The following AK4 variants were observed in gnomAD, a reference collection of about 807,000 sequenced individuals.
The protein encoded by AK4 is adenylate kinase 4.
Under a neutral mutation model 24.6 loss-of-function variants are expected in AK4, and 13 were observed. The observed-to-expected ratio is 0.53, with a 90% CI of 0.34 to 0.84. The LOEUF (loss-of-function observed/expected upper bound fraction) is 0.84. Among genes scored for constraint, AK4 ranks in the 40% least tolerant of loss-of-function variants. The pLI is 0.01. For missense variants in AK4, 192 were observed against 288.2 expected (o/e 0.67, Z 2.42); for synonymous variants, 88 against 107.0 (o/e 0.82, Z 1.10).
chr1:65,225,389 G>C (rs779363749), intron 4 of AK4, among the ~76,000 whole-genome samples: 1 of 152,194 alleles, frequency 6.6e-6, no homozygotes, highest in African/African-American at 2.4e-5. Flanking sequence ...AAGCTAGACA[G>C]TTGAGTGACA....
chr1:65,180,389 A>T (rs1246719635), intron 1 of AK4, among the ~76,000 whole-genome samples: 1 of 152,150 alleles, frequency 6.6e-6, no homozygotes, highest in Non-Finnish European at 1.5e-5. Context: ...AGTGTCAGAG[A>T]GTGATTTAAA....
In AK4 at chr1:65,171,614, T is replaced by C. The variant is rs1481767391; in HGVS notation, c.146-19096T>C. ...GCCACTGTGCCCAGCCAATAGTTGC[T>C]CTTAAAAGGTCAGGTAAAACGAATG... On this transcript the variant is annotated intron_variant, in intron 1 of 4. Coordinates refer to ENST00000327299, the MANE Select transcript of AK4 (RefSeq NM_013410.4). Among the ~76,000 whole-genome samples, 4 of 152,090 alleles carry C rather than the reference T, an allele frequency of 2.6e-5. No homozygotes were observed. The East Asian group carries it at 7.7e-4, about 29-fold the overall frequency.
chr1:65,189,537 C>A (rs1041152825), intron 1 of AK4, among the ~76,000 whole-genome samples: 3 of 152,094 alleles, frequency 2.0e-5, no homozygotes, highest in Admixed American at 6.6e-5. Context: ...CTCGGCTTCC[C>A]AAAGTGTTGG....
rs191906974 is a variant in AK4, at chr1:65,226,024, A to T, written c.558-39A>T. On this transcript the variant is annotated intron_variant, in intron 4 of 4. Coordinates refer to ENST00000327299, the MANE Select transcript of AK4 (RefSeq NM_013410.4). ...CTTCTGCACTAATACGTGGAAAAGA[A>T]ACCTAAAAAGCCATTGTATGTTGGG... The T allele has an allele frequency of 3.1e-5, 50 of 1,603,844 alleles. No homozygotes were observed. The African/African-American group carries it at 6.3e-4, about 20-fold the overall frequency.
intron 2 of AK4, among the ~76,000 whole-genome samples, chr1:65,216,243 G>A (rs867661066): frequency 7.9e-5 from 12 of 151,292 alleles, no homozygotes; most frequent in African/African-American, 1.7e-4. Flanking sequence ...AGCAATTCTC[G>A]TACCTCAGCC....
chr1:65,191,817 G>C (rs1651317632), intron 2 of AK4, among the ~76,000 whole-genome samples: 1 of 152,156 alleles, frequency 6.6e-6, no homozygotes. Context: ...GCATGGAGGA[G>C]AGTTGTGACT....
chr1:65,164,872 T>C (rs1650280229), intron 1 of AK4, among the ~76,000 whole-genome samples: 1 of 152,210 alleles, frequency 6.6e-6, no homozygotes, highest in Admixed American at 6.5e-5. Context: ...GACTCACATT[T>C]TGAATAGATC....
intron 1 of AK4, among the ~76,000 whole-genome samples, chr1:65,153,206 A>G (rs1253481310): frequency 5.9e-5 from 9 of 152,230 alleles, no homozygotes; most frequent in African/African-American, 1.9e-4. Context: ...AAGGCATTCC[A>G]TGACAGTAAG....
chr1:65,158,010 G>A (rs532868077), intron 1 of AK4, among the ~76,000 whole-genome samples: 12 of 152,230 alleles, frequency 7.9e-5, no homozygotes, highest in African/African-American at 2.2e-4. Context: ...TCCACAAGAG[G>A]TCCTTGCTTT....
chr1:65,189,406 G>A (rs1216479557), intron 1 of AK4, among the ~76,000 whole-genome samples: 2 of 151,246 alleles, frequency 1.3e-5, no homozygotes, highest in South Asian at 2.1e-4. Context: ...AGCCTCCCGA[G>A]TAGCTGGGAT....
chr1:65,171,663 T>C (rs1650529766), intron 1 of AK4, among the ~76,000 whole-genome samples: 1 of 152,228 alleles, frequency 6.6e-6, no homozygotes, highest in Non-Finnish European at 1.5e-5. Context: ...GCCTAAAATA[T>C]ATAGGGTTGA....
intron 3 of AK4, among the ~76,000 whole-genome samples, chr1:65,221,477 G>A (rs1652291838): frequency 6.6e-6 from 1 of 152,138 alleles, no homozygotes; most frequent in Non-Finnish European, 1.5e-5. Flanking sequence ...GGCCTGGGAG[G>A]TCAAGGCTGT....
At chr1:65,177,664 G>A (rs914604620) in intron 1 of AK4, among the ~76,000 whole-genome samples, 4 of 152,208 alleles carry the variant, frequency 2.6e-5, no homozygotes, top group African/African-American at 9.7e-5. Context: ...GGGTGTTTAA[G>A]AATGTCAGAT....
chr1:65,189,328 G>A (rs1267635738), intron 1 of AK4, among the ~76,000 whole-genome samples: 1 of 143,122 alleles, frequency 7.0e-6, no homozygotes, highest in Non-Finnish European at 1.5e-5. Flanking sequence ...GCCCAGACTG[G>A]AGTGCAATGG....
chr1:65,159,503 A>G (rs1382406557), intron 1 of AK4, among the ~76,000 whole-genome samples: 2 of 152,060 alleles, frequency 1.3e-5, no homozygotes, highest in Non-Finnish European at 2.9e-5. Context: ...CAAAAAATAA[A>G]CAGAGTTAGC....
chr1:65,201,801 T>C (rs188920720), intron 2 of AK4, among the ~76,000 whole-genome samples: 74 of 151,864 alleles, frequency 4.9e-4, no homozygotes, highest in Non-Finnish European at 4.4e-5. Context: ...AATTGGAAGG[T>C]GGGAATGAAG....
chr1:65,225,392 G>C (rs916179412), intron 4 of AK4, among the ~76,000 whole-genome samples: 1 of 152,200 alleles, frequency 6.6e-6, no homozygotes, highest in African/African-American at 2.4e-5. Context: ...CTAGACAGTT[G>C]AGTGACAGGT....
intron 2 of AK4, among the ~76,000 whole-genome samples, chr1:65,199,086 CAAAA>C (rs34278926): frequency 2.9e-5 from 3 of 104,138 alleles, no homozygotes; most frequent in Non-Finnish European, 2.1e-5. Context: ...GACTCCGCCT[CAAAA>C]AAAAAAAAAA....
intron 2 of AK4, among the ~76,000 whole-genome samples, chr1:65,202,652 G>T (rs1476908034): frequency 6.6e-6 from 1 of 152,070 alleles, no homozygotes; most frequent in Admixed American, 6.5e-5. Context: ...AATTCATCCA[G>T]TTCCTGGGAA....
Sources: allele counts gnomAD v4.1 joint callset (sites outside exome capture counted in the v4.1 genomes callset), GRCh38; gene constraint gnomAD v4.1.1; transcripts MANE v1.5; gene names NCBI Gene and HGNC (gene_info 2026-07-23, HGNC 2026-07-21).